The following TASP1 variants were observed in gnomAD, a reference collection of about 807,000 sequenced individuals.
TASP1 encodes threonine aspartase 1.
A neutral mutation model predicts 56.6 loss-of-function variants in TASP1; 16 were observed. The observed-to-expected ratio is 0.28, with a 90% CI of 0.19 to 0.43. The LOEUF (loss-of-function observed/expected upper bound fraction) is 0.43. Ranked by LOEUF, TASP1 falls within the 20% of genes least tolerant of loss-of-function variation. The pLI is 1.00. For synonymous variants in TASP1, 179 were observed against 184.2 expected (o/e 0.97, Z 0.23); for missense variants, 393 against 511.6 (o/e 0.77, Z 2.24).
intron 11 of TASP1, among the ~76,000 whole-genome samples, chr20:13,447,384 T>C (rs998103605): frequency 2.6e-5 from 4 of 152,134 alleles, no homozygotes; most frequent in African/African-American, 9.7e-5. Context: ...GCCTACATAT[T>C]ATCCATTCTC....
At chr20:13,219,354 C>A in the TASP1 span, among the ~76,000 whole-genome samples, 1 of 151,044 alleles carries the variant, frequency 6.6e-6, no homozygotes, top group Non-Finnish European at 1.5e-5. Context: ...AATTAGAAAA[C>A]ACACAGGAGG....
At chr20:13,221,950 C>G in the TASP1 span, 1 of 1,306,584 alleles carries the variant, frequency 7.7e-7, no homozygotes, top group Non-Finnish European at 9.7e-7. Flanking sequence ...TGCGCGGCTG[C>G]GGGGACGGTT....
chr20:13,508,871 C>A (rs545461254), intron 10 of TASP1, among the ~76,000 whole-genome samples: 1 of 152,054 alleles, frequency 6.6e-6, no homozygotes, highest in Admixed American at 6.6e-5. Flanking sequence ...AAAAGGGAAC[C>A]CTTGTACACT....
rs1478551371 is a variant in TASP1, at chr20:13,430,271, G to A, written c.1096+4773C>T. Among the ~76,000 whole-genome samples, 5 of 152,160 alleles carry A rather than the reference G, an allele frequency of 3.3e-5. No homozygotes were observed. The South Asian group carries it at 6.2e-4, about 19-fold the overall frequency. ...TACGTAATAAATTCTCTCAAAATGC[G>A]GTGGTTTAAGACAGCAAACACTTAT... On this transcript the variant is annotated intron_variant, in intron 12 of 13. Transcript: ENST00000337743.
At chr20:13,548,428 C>A (rs1253046029) in intron 8 of TASP1, among the ~76,000 whole-genome samples, 1 of 151,948 alleles carries the variant, frequency 6.6e-6, no homozygotes, top group East Asian at 1.9e-4. Context: ...GCAACTGGAA[C>A]AGGTTGGGAC....
At chr20:13,270,937 A>C in the TASP1 span, among the ~76,000 whole-genome samples, 1 of 152,222 alleles carries the variant, frequency 6.6e-6, no homozygotes, top group Non-Finnish European at 1.5e-5. Flanking sequence ...GAGATGCACA[A>C]TTATTTTGTG....
chr20:13,204,552 T>TATATA, the TASP1 span, among the ~76,000 whole-genome samples: 1 of 151,480 alleles, frequency 6.6e-6, no homozygotes, highest in African/African-American at 2.4e-5. Flanking sequence ...TATATGTATA[T>TATATA]TTTTTGAGAC....
At chr20:13,371,897 C>T in the TASP1 span, among the ~76,000 whole-genome samples, 1 of 151,712 alleles carries the variant, frequency 6.6e-6, no homozygotes, top group Non-Finnish European at 1.5e-5. Flanking sequence ...CATTGTATGC[C>T]CTTTTTATCT....
At chr20:13,365,389 A>G in the TASP1 span, among the ~76,000 whole-genome samples, 9 of 152,236 alleles carry the variant, frequency 5.9e-5, no homozygotes, top group African/African-American at 9.6e-5. Flanking sequence ...AAAAAAGATA[A>G]TAATTTGAGA....
At chr20:13,303,888 A>C in the TASP1 span, among the ~76,000 whole-genome samples, 6 of 152,202 alleles carry the variant, frequency 3.9e-5, no homozygotes, top group African/African-American at 1.4e-4. Flanking sequence ...ACATTATTTA[A>C]GGTGATGCTG....
chr20:13,234,608 C>T, the TASP1 span, among the ~76,000 whole-genome samples: 3 of 152,192 alleles, frequency 2.0e-5, no homozygotes, highest in Admixed American at 2.0e-4. Flanking sequence ...ATGTCCTCGC[C>T]AACATATGTT....
chr20:13,625,158 C>T (rs2048844323), intron 3 of TASP1, 27 bp downstream of exon 3: 2 of 1,530,870 alleles, frequency 1.3e-6, no homozygotes, highest in South Asian at 1.3e-5. Flanking sequence ...AACTGCAATG[C>T]ACAGATCATA....
intron 9 of TASP1, among the ~76,000 whole-genome samples, chr20:13,531,484 TCC>T (rs2045214815): frequency 6.8e-6 from 1 of 147,814 alleles, no homozygotes; most frequent in Non-Finnish European, 1.5e-5. Flanking sequence ...CCATTTCTTA[TCC>T]TTTTTTTTTT....
chr20:13,489,966 T>C (rs923539458), intron 10 of TASP1, among the ~76,000 whole-genome samples: 3 of 152,196 alleles, frequency 2.0e-5, no homozygotes, highest in African/African-American at 7.2e-5. Context: ...TTAAACTATA[T>C]ACGTGGCTCT....
the TASP1 span, among the ~76,000 whole-genome samples, chr20:13,214,749 C>G: frequency 6.6e-6 from 1 of 152,118 alleles, no homozygotes; most frequent in Non-Finnish European, 1.5e-5. Context: ...TTGTAAAAAG[C>G]CTGGAGACAA....
At chr20:13,274,095 GCACACAAACACACCCACACACCACA>G in the TASP1 span, among the ~76,000 whole-genome samples, 1 of 151,742 alleles carries the variant, frequency 6.6e-6, no homozygotes, top group Non-Finnish European at 1.5e-5. Context: ...GCATGTGCAT[GCACACAAACACACCCACACACCACA>G]CAGCACTAGC....
intron 9 of TASP1, 66 bp downstream of exon 9, chr20:13,533,956 A>C (rs6033751): frequency 0.028 from 42,748 of 1,536,664 alleles, 1,184 homozygotes; most frequent in African/African-American, 0.12. Context: ...CTGGTTAAAA[A>C]ATTGTGAGCT....
At chr20:13,530,613 G>A (rs1298109576) in intron 9 of TASP1, among the ~76,000 whole-genome samples, 2 of 152,104 alleles carry the variant, frequency 1.3e-5, no homozygotes, top group Non-Finnish European at 2.9e-5. Context: ...TAGTAAATAA[G>A]GTCCCAAGGA....
chr20:13,188,788 G>C, the TASP1 span, among the ~76,000 whole-genome samples: 1 of 152,164 alleles, frequency 6.6e-6, no homozygotes, highest in Non-Finnish European at 1.5e-5. Context: ...ATATGGCTGA[G>C]AAAGACTCCA....
Sources: gnomAD v4.1 joint callset for allele counts (sites outside exome capture counted in the v4.1 genomes callset) on GRCh38, gnomAD v4.1.1 for gene constraint, MANE v1.5 for transcripts, NCBI Gene and HGNC (gene_info 2026-07-23, HGNC 2026-07-21) for gene names.